CFTR: variants seen among roughly 807,000 people sequenced by gnomAD.
The protein encoded by CFTR is CF transmembrane conductance regulator.
In CFTR, 181 loss-of-function variants were observed where a neutral mutation model predicts 171.6. The observed-to-expected ratio is 1.05, with a 90% CI of 0.93 to 1.19. The LOEUF is 1.19. CFTR is among the 50% of genes most tolerant of loss of function. The pLI is 0.00. For synonymous variants in CFTR, 583 were observed against 608.0 expected, an observed-to-expected ratio of 0.96 and a Z score of 0.60; for missense variants, 1,968 against 1,734.7, an observed-to-expected ratio of 1.13 and a Z score of -2.39.
At chr7:117,565,065 G>T (rs1791578638) in intron 11 of CFTR, among the ~76,000 whole-genome samples, 1 of 152,100 alleles carries the variant, frequency 6.6e-6, no homozygotes, top group Non-Finnish European at 1.5e-5. Context: ...GATTATAGAA[G>T]AATGAATTTC....
intron 11 of CFTR, chr7:117,564,690 C>A (rs1459152079): frequency 6.0e-6 from 1 of 167,008 alleles, no homozygotes; most frequent in Non-Finnish European, 1.5e-5. Flanking sequence ...GAGATGAGAA[C>A]AGAATATTAT....
intron 11 of CFTR, among the ~76,000 whole-genome samples, chr7:117,569,370 C>T (rs994123041): frequency 2.0e-5 from 3 of 151,974 alleles, no homozygotes; most frequent in African/African-American, 7.3e-5. Context: ...TTTGGAGAGG[C>T]CAAGTAAGAT....
At chr7:117,649,302 G>GTA (rs1233011440) in intron 23 of CFTR, among the ~76,000 whole-genome samples, 1 of 148,278 alleles carries the variant, frequency 6.7e-6, no homozygotes, top group East Asian at 2.0e-4. Flanking sequence ...GTGTGTGTGT[G>GTA]TATATGTGTG....
intron 1 of CFTR, among the ~76,000 whole-genome samples, chr7:117,498,275 A>G (rs1470660971): frequency 1.3e-5 from 2 of 152,176 alleles, no homozygotes; most frequent in African/African-American, 2.4e-5. Flanking sequence ...ATTAAGCCTC[A>G]TGAACAATTA....
At chr7:117,629,799 T>C (rs1334826531) in intron 22 of CFTR, among the ~76,000 whole-genome samples, 6 of 152,226 alleles carry the variant, frequency 3.9e-5, no homozygotes, top group Admixed American at 3.9e-4. Flanking sequence ...GACTCTAATA[T>C]TTATTGAGAG....
chr7:117,531,205 A>G lies in CFTR; in HGVS notation c.489+91A>G, dbSNP rs56094102. ...AATTAGGTAGTGAGCTGGTACAAGT[A>G]AGGGATAAATGCTGAAATTAATTTA... On this transcript the variant is annotated intron_variant, in intron 4 of 26. Transcript: ENST00000003084. The G allele has an allele frequency of 0.026, 24,618 of 958,334 alleles. 451 individuals carry two copies. Among genetic ancestry groups the G allele is most frequent in the Non-Finnish European group, 0.033 (20,181 of 614,360 alleles). The allele number at this position is 958,334 out of a possible 1,614,324, so 59.4% of individuals were successfully genotyped here.
rs1020841166 is a variant in CFTR at position 117,668,345 on chromosome 7, T to C, written c.*1237T>C. Reference sequence around the variant, plus strand: ...TTATATTTGAAATATTGACTTTTTATGGCACTAGTATTTCTATGAAATATT... The same window carrying C: ...TTATATTTGAAATATTGACTTTTTACGGCACTAGTATTTCTATGAAATATT... On this transcript the variant is annotated 3_prime_UTR_variant, in exon 27 of 27. Transcript: ENST00000003084. 1 of 152,226 alleles carries C rather than the reference T, an allele frequency of 6.6e-6. No homozygotes were observed. The highest frequency in any genetic ancestry group is 2.4e-5 in the African/African-American group (1 of 41,442). 9.4% of individuals were successfully genotyped at this position (152,226 alleles called of 1,614,324 possible).
intron 9 of CFTR, among the ~76,000 whole-genome samples, chr7:117,543,299 T>C (rs1006615633): frequency 5.9e-5 from 9 of 152,368 alleles, no homozygotes; most frequent in African/African-American, 2.2e-4. Flanking sequence ...AAAATTGTTT[T>C]GTAGAAAAGT....
In CFTR at chr7:117,652,865, A is replaced by G. The variant is rs1800131; in HGVS notation, c.3897A>G (p.Thr1299=). The G allele has an allele frequency of 1.6e-3, 2,459 of 1,577,400 alleles. 3 individuals are homozygous for G. The highest frequency in any genetic ancestry group is 2.1e-3 in the Middle Eastern group (11 of 5,352). The change falls in exon 24 of 27, where the codon ACA becomes ACG. Residue 1299 remains threonine, a synonymous_variant. Coordinates refer to ENST00000003084, the MANE Select transcript of CFTR (RefSeq NM_000492.4). ...AGAAAGTATTTATTTTTTCTGGAAC[A>G]TTTAGAAAAAACTTGGATCCCTATG... ...IPQKVFIFSG[T]FRKNLDPYEQ...
chr7:117,605,321 A>T (rs1259803785), intron 17 of CFTR, among the ~76,000 whole-genome samples: 2 of 152,214 alleles, frequency 1.3e-5, no homozygotes, highest in Non-Finnish European at 2.9e-5. Context: ...TTATCATGAA[A>T]ATATACAAAT....
At chr7:117,562,077 C>T (rs951505921) in intron 11 of CFTR, among the ~76,000 whole-genome samples, 1 of 152,070 alleles carries the variant, frequency 6.6e-6, no homozygotes, top group Non-Finnish European at 1.5e-5. Flanking sequence ...TGTAATGTAC[C>T]TAACACAACG....
At chr7:117,559,429 G>A (rs749509271) in intron 10 of CFTR, 35 bp from the exon 11 acceptor site, 4 of 1,370,638 alleles carry the variant, frequency 2.9e-6, no homozygotes, top group Non-Finnish European at 3.1e-6. Flanking sequence ...AGCGTGATTT[G>A]ATAATGACCT....
chr7:117,513,437 G>GA (rs11393719), intron 3 of CFTR, among the ~76,000 whole-genome samples: 71,808 of 135,366 alleles, frequency 0.53, 19,197 homozygotes, highest in African/African-American at 0.71. Context: ...TCCTAGATTT[G>GA]AAAAAAAAAA....
chr7:117,490,415 T>TATGGGTC (rs1798142204), intron 1 of CFTR, among the ~76,000 whole-genome samples: 1 of 151,248 alleles, frequency 6.6e-6, no homozygotes, highest in Non-Finnish European at 1.5e-5. Flanking sequence ...AAATCTGCAG[T>TATGGGTC]ATGGGTCAGC....
intron 14 of CFTR, among the ~76,000 whole-genome samples, chr7:117,594,343 T>G (rs186501062): frequency 1.9e-4 from 29 of 152,350 alleles, no homozygotes; most frequent in African/African-American, 5.3e-4. Context: ...ATCTCTCTTT[T>G]TCAAATTTTT....
intron 17 of CFTR, among the ~76,000 whole-genome samples, chr7:117,604,384 A>C (rs1001655417): frequency 4.6e-5 from 7 of 152,178 alleles, no homozygotes; most frequent in South Asian, 2.1e-4. Context: ...ATTCCTCATT[A>C]AACAAATTTG....
intron 3 of CFTR, among the ~76,000 whole-genome samples, chr7:117,521,160 A>G (rs1382985617): frequency 6.6e-6 from 1 of 152,014 alleles, no homozygotes; most frequent in South Asian, 2.1e-4. Context: ...GGTATATAGA[A>G]ATCTATTTTC....
intron 24 of CFTR, 127 bp downstream of exon 24, chr7:117,653,058 C>T: frequency 1.4e-6 from 1 of 713,222 alleles, no homozygotes; most frequent in South Asian, 1.5e-5. Context: ...AAATGGAGTA[C>T]CCTAACATAC....
intron 21 of CFTR, among the ~76,000 whole-genome samples, chr7:117,626,578 T>C (rs1474017135): frequency 3.9e-5 from 6 of 152,118 alleles, no homozygotes; most frequent in African/African-American, 1.4e-4. Context: ...GGATCAAAGA[T>C]GGTATCTTTT....
Sources: allele counts gnomAD v4.1 joint callset (sites outside exome capture counted in the v4.1 genomes callset), GRCh38; gene constraint gnomAD v4.1.1; transcripts MANE v1.5; gene names NCBI Gene and HGNC (gene_info 2026-07-23, HGNC 2026-07-21).